Variants in NUP188 observed in about 807,000 individuals in gnomAD.
NUP188 encodes nucleoporin NUP188.
In NUP188, 97 loss-of-function variants were observed where a neutral mutation model predicts 223.0. That is an observed-to-expected ratio of 0.43 (90% confidence interval 0.37 to 0.51). The LOEUF is 0.51. NUP188 is among the 20% of genes least tolerant of loss of function. NUP188 has a pLI of 0.00. For synonymous variants in NUP188, 869 were observed against 828.0 expected (o/e 1.05, Z -0.85); for missense variants, 1,947 against 2,175.6 (o/e 0.89, Z 2.09).
intron 39 of NUP188, 28 bp downstream of exon 39, chr9:129,005,249 G>T (rs1288140527): frequency 6.2e-7 from 1 of 1,611,626 alleles, no homozygotes; most frequent in East Asian, 2.2e-5. Context: ...TGAGGTCCTG[G>T]AATACCTCAC....
chr9:128,999,452 C>T, intron 33 of NUP188, 135 bp downstream of exon 33: 1 of 1,312,462 alleles, frequency 7.6e-7, no homozygotes, highest in Non-Finnish European at 1.0e-6. Context: ...ATTCTTACCC[C>T]AAGAAAGCTA....
intron 5 of NUP188, 147 bp downstream of exon 5, chr9:128,957,179 A>G: frequency 1.8e-6 from 1 of 546,392 alleles, no homozygotes; most frequent in South Asian, 2.7e-5. Context: ...TAAAGGCTTT[A>G]AAAAAAACAT....
chr9:128,979,001 A>C (rs1842218277), intron 12 of NUP188, among the ~76,000 whole-genome samples: 1 of 152,150 alleles, frequency 6.6e-6, no homozygotes, highest in Non-Finnish European at 1.5e-5. Context: ...TGGCCCCCAC[A>C]CCCAGCCAAC....
chr9:128,968,619 T>C lies in NUP188; in HGVS notation c.699T>C (p.Leu233=), dbSNP rs753323239. The C allele has an allele frequency of 5.6e-6, 9 of 1,613,974 alleles. No homozygotes were observed. The East Asian group carries it at 1.8e-4, about 32-fold the overall frequency. The change falls in exon 9 of 44, where the codon CTT becomes CTC. Residue 233 remains leucine, a synonymous_variant. Coordinates refer to ENST00000372577, the MANE Select transcript of NUP188 (RefSeq NM_015354.3). ...TTGAGATGGCACCCAGTGACTTACT[T>C]GTATTAACCAAGATGTTTAAAGAGC... The part of the protein sequence containing the change: ...AYFEMAPSDL[L]VLTKMFKEQG...
chr9:128,985,195 T>G, intron 20 of NUP188, 181 bp downstream of exon 20: 1 of 548,164 alleles, frequency 1.8e-6, no homozygotes, highest in South Asian at 2.5e-5. Context: ...GTGCCAGTTA[T>G]GTACTCTATT....
At chr9:128,964,347 CT>C in intron 8 of NUP188, 1 of 289,014 alleles carries the variant, frequency 3.5e-6, no homozygotes, top group Non-Finnish European at 6.8e-6. Context: ...AGTGGCTTGT[CT>C]TTTCCCACCT....
rs760240163 is a variant in NUP188 at position 129,003,528 on chromosome 9, G to A, written c.4434+74G>A. The A allele has an allele frequency of 1.2e-5, 18 of 1,508,856 alleles. No individual in the cohort carries two copies. The Middle Eastern group carries it at 8.5e-4, about 71-fold the overall frequency. 93.5% of individuals were successfully genotyped at this position (1,508,856 alleles called of 1,614,324 possible). A position where few individuals can be genotyped will look rare whatever the true frequency, so the allele number is the denominator to read the frequency against. ...AGGGAGGCTGTGAGGTCTCACTGGG[G>A]CACTCCTAGTGAATTGCAGGATGTT... On this transcript the variant is annotated intron_variant, in intron 38 of 43. Transcript: ENST00000372577.
intron 8 of NUP188, among the ~76,000 whole-genome samples, chr9:128,967,401 T>C (rs941356075): frequency 1.3e-5 from 2 of 152,120 alleles, no homozygotes; most frequent in African/African-American, 4.8e-5. Flanking sequence ...AGGCCTGTAA[T>C]CCCACCACTT....
At position 128,983,017 on chromosome 9, in the gene NUP188, G is replaced by C. The variant is rs149817975; in HGVS notation, c.1785G>C (p.Met595Ile). Reference sequence around the variant, plus strand: ...TGCCCATCACATCTCGCATCTACATGCTGCTGCAGCGGTGAGTCTGTCTTG... The same window carrying C: ...TGCCCATCACATCTCGCATCTACATCCTGCTGCAGCGGTGAGTCTGTCTTG... ...CLLPITSRIY[M>I]LLQRLTTVIS... Residue 595 changes from methionine (M) to isoleucine (I), a missense_variant, in exon 17 of 44, where the codon ATG becomes ATC. Met to Ile is a conservative substitution (Grantham distance 10). This residue lies in a region of NUP188 where 817 missense variants were observed against 865.8 expected (regional missense o/e 0.94). Coordinates refer to ENST00000372577, the MANE Select transcript of NUP188 (RefSeq NM_015354.3). 2 of 1,614,050 alleles carry C rather than the reference G, an allele frequency of 1.2e-6. No homozygotes were observed. Among genetic ancestry groups the C allele is most frequent in the East Asian group, 4.5e-5 (2 of 44,890 alleles).
At position 128,994,856 on chromosome 9, in the gene NUP188, C is replaced by T. The variant is rs774994793; in HGVS notation, c.3088C>T (p.Pro1030Ser). ...TLSPPSETSE[P>S]SILETCALIM... The stretch of plus-strand genomic sequence containing the variant: ...ATTGCCTGTTCTGCTATCTCCACAG[C>T]CCAGCATCCTGGAAACCTGTGCCCT... The change falls in exon 29 of 44, where the codon CCC becomes TCC. Residue 1030 changes from proline to serine, a missense_variant and splice_region_variant. This residue lies in a region of NUP188 where 905 missense variants were observed against 990.6 expected (regional missense o/e 0.91). Coordinates refer to ENST00000372577, the MANE Select transcript of NUP188 (RefSeq NM_015354.3). The T allele has an allele frequency of 6.2e-6, 10 of 1,613,168 alleles. No homozygotes were observed. The Middle Eastern group carries it at 8.3e-4, about 133-fold the overall frequency.
chr9:128,995,541 A>G (rs764182118), intron 30 of NUP188, 27 bp downstream of exon 30: 1 of 1,537,120 alleles, frequency 6.5e-7, no homozygotes, highest in Non-Finnish European at 8.8e-7. Flanking sequence ...GAGAGTTTTC[A>G]CTTTGGTACC....
chr9:128,999,650 C>G lies in NUP188; in HGVS notation c.3688C>G (p.Leu1230Val). The G allele has an allele frequency of 6.2e-7, 1 of 1,614,136 alleles. No individual in the cohort carries two copies. ...KVSDIPQYSQ[L>V]VLNVCETLQE... ...AAGTGACATCCCCCAGTACTCCCAG[C>G]TGGTGCTGAATGTCTGTGAGACCCT... Residue 1230 changes from leucine (L) to valine (V), a missense_variant, in exon 34 of 44, where the codon CTG becomes GTG. This residue lies in a region of NUP188 where 905 missense variants were observed against 990.6 expected (regional missense o/e 0.91). Coordinates refer to ENST00000372577, the MANE Select transcript of NUP188 (RefSeq NM_015354.3).
At chr9:128,960,522 C>T (rs1033135435) in intron 8 of NUP188, among the ~76,000 whole-genome samples, 9 of 152,132 alleles carry the variant, frequency 5.9e-5, no homozygotes, top group African/African-American at 1.7e-4. Context: ...ATACATATGA[C>T]ATTTCTGTCT....
chr9:129,001,478 TTCC>T (rs751174220), intron 34 of NUP188, 48 bp from the exon 35 acceptor site: 21 of 1,577,996 alleles, frequency 1.3e-5, no homozygotes, highest in Middle Eastern at 1.7e-4. Context: ...TGTCGTCCTC[TTCC>T]TCCTCCTCTT....
intron 8 of NUP188, among the ~76,000 whole-genome samples, chr9:128,963,475 A>G (rs994978354): frequency 6.6e-6 from 1 of 150,810 alleles, no homozygotes; most frequent in African/African-American, 2.4e-5. Context: ...TAATACTGGG[A>G]TTACAGGCAT....
At chr9:128,984,261 G>A (rs917053983) in intron 19 of NUP188, among the ~76,000 whole-genome samples, 1 of 151,696 alleles carries the variant, frequency 6.6e-6, no homozygotes, top group Non-Finnish European at 1.5e-5. Context: ...CAAGTAGCTG[G>A]GATTACAGGC....
rs115625120 is a variant in NUP188 at position 128,995,418 on chromosome 9, C to T, written c.3255C>T (p.His1085=). 2.1e-4 allele frequency: 344 copies of T among 1,613,894 alleles called. 2 individuals carry two copies. The African/African-American group carries it at 3.1e-3, about 15-fold the overall frequency. The change falls in exon 30 of 44, where the codon CAC becomes CAT. Residue 1085 remains histidine, a synonymous_variant. Coordinates refer to ENST00000372577, the MANE Select transcript of NUP188 (RefSeq NM_015354.3). The part of the protein sequence containing the change: ...WSGYVKSLAV[H]VAETEGSSCT... ...GGTATGTCAAGTCATTGGCAGTTCA[C>T]GTGGCCGAAACAGAAGGCAGCAGCT... is the stretch of plus-strand genomic sequence containing the variant.
At position 128,999,080 on chromosome 9, in the gene NUP188, T is replaced by A. The variant is rs541046472; in HGVS notation, c.3516-92T>A. 3.0e-5 allele frequency: 30 copies of A among 998,352 alleles called. No homozygotes were observed. The South Asian group carries it at 3.9e-4, about 13-fold the overall frequency. The allele number at this position is 998,352 out of a possible 1,614,324, so 61.8% of individuals were successfully genotyped here. On this transcript the variant is annotated intron_variant, in intron 32 of 43. Transcript: ENST00000372577. The stretch of plus-strand genomic sequence containing the variant: ...GTTGGCCAGGCTGGTCTCGAACTCC[T>A]GACCTCAGGTGATCCACCCGCCTTG...
At chr9:129,003,293 C>T (rs765559172) in intron 37 of NUP188, 24 bp from the exon 38 acceptor site, 3 of 1,592,214 alleles carry the variant, frequency 1.9e-6, no homozygotes. Context: ...CCCCATCTTT[C>T]CCTGATGTGT....
Sources: gnomAD v4.1 joint callset for allele counts (sites outside exome capture counted in the v4.1 genomes callset) on GRCh38, gnomAD v4.1.1 for gene constraint, gnomAD v4.1.1 regional missense constraint, MANE v1.5 for transcripts, NCBI Gene and HGNC (gene_info 2026-07-23, HGNC 2026-07-21) for gene names.